The following PSPC1 variants were observed in gnomAD, a reference collection of about 807,000 sequenced individuals.
PSPC1 encodes the protein paraspeckle protein 1.
PSPC1 carries 14 observed loss-of-function variants against 51.6 expected under a neutral mutation model. That is an observed-to-expected ratio of 0.27 (90% CI 0.18 to 0.42). The LOEUF (loss-of-function observed/expected upper bound fraction) is 0.42, where lower values mean the gene tolerates loss of function less well. Among genes scored for constraint, PSPC1 ranks in the 10% least tolerant of loss-of-function variants. The probability of loss-of-function intolerance (pLI) is 1.00; values close to 1 mark genes in which losing one functional copy is unlikely to be tolerated. For synonymous variants in PSPC1, 193 were observed against 231.9 expected (o/e 0.83, Z 1.53); for missense variants, 406 against 701.1 (o/e 0.58, Z 4.75).
intron 6 of PSPC1, among the ~76,000 whole-genome samples, chr13:19,694,002 A>T (rs1368203137): frequency 6.6e-6 from 1 of 151,596 alleles, no homozygotes; most frequent in African/African-American, 2.4e-5. Flanking sequence ...GGGCGCCTGT[A>T]GTCCCAGCTA....
intron 6 of PSPC1, among the ~76,000 whole-genome samples, chr13:19,722,328 C>T (rs774739630): frequency 6.6e-6 from 1 of 151,802 alleles, no homozygotes; most frequent in African/African-American, 2.4e-5. Context: ...GAGACTCCAA[C>T]TCTACAAAAA....
At chr13:19,683,886 C>A (rs1489469846) in intron 6 of PSPC1, among the ~76,000 whole-genome samples, 1 of 151,972 alleles carries the variant, frequency 6.6e-6, no homozygotes, top group Non-Finnish European at 1.5e-5. Flanking sequence ...TGTAAGTTAT[C>A]AAAGAAATGT....
chr13:19,704,051 A>T (rs1880304809), intron 8 of PSPC1, among the ~76,000 whole-genome samples: 1 of 152,282 alleles, frequency 6.6e-6, no homozygotes, highest in Non-Finnish European at 1.5e-5. Context: ...CCTGAAGTGT[A>T]GCAGTAAAAT....
chr13:19,692,721 C>G (rs1203803407), intron 6 of PSPC1, among the ~76,000 whole-genome samples: 1 of 152,112 alleles, frequency 6.6e-6, no homozygotes, highest in Non-Finnish European at 1.5e-5. Context: ...TCATAGTATC[C>G]TCAACCCATC....
At chr13:19,701,633 G>T (rs1879914919), downstream of PSPC1, among the ~76,000 whole-genome samples, 1 of 152,118 alleles carries the variant, frequency 6.6e-6, no homozygotes, top group Non-Finnish European at 1.5e-5. Context: ...TAGTATAAAA[G>T]AATGCATCAA....
chr13:19,715,757 T>C (rs1234742754), intron 6 of PSPC1, among the ~76,000 whole-genome samples: 1 of 152,030 alleles, frequency 6.6e-6, no homozygotes, highest in African/African-American at 2.4e-5. Context: ...GACAGACACA[T>C]AATCCCAGCA....
intron 6 of PSPC1, among the ~76,000 whole-genome samples, chr13:19,728,483 C>A (rs1449002074): frequency 3.2e-5 from 4 of 124,036 alleles, no homozygotes; most frequent in African/African-American, 1.1e-4. Context: ...CACACACACA[C>A]ACAGCATTAA....
intron 5 of PSPC1, among the ~76,000 whole-genome samples, chr13:19,732,562 A>C (rs1485435437): frequency 1.3e-5 from 2 of 152,240 alleles, no homozygotes; most frequent in South Asian, 4.1e-4. Context: ...AAGGTTTCAC[A>C]TAACAGGAGT....
intron 1 of PSPC1, among the ~76,000 whole-genome samples, chr13:19,778,215 G>C (rs1383401469): frequency 6.6e-6 from 1 of 151,330 alleles, no homozygotes; most frequent in South Asian, 2.1e-4. Flanking sequence ...GCACTCCAAC[G>C]TGGTGACAGA....
intron 6 of PSPC1, among the ~76,000 whole-genome samples, chr13:19,721,009 A>C (rs959340989): frequency 7.5e-5 from 10 of 132,828 alleles, no homozygotes; most frequent in African/African-American, 2.6e-4. Flanking sequence ...CCTACATCTC[A>C]CTAGTTGTTA....
intron 6 of PSPC1, among the ~76,000 whole-genome samples, chr13:19,690,347 G>A (rs1482705862): frequency 6.6e-6 from 1 of 152,196 alleles, no homozygotes; most frequent in Non-Finnish European, 1.5e-5. Flanking sequence ...ATGAGTTCTA[G>A]TTGCTACATT....
intron 6 of PSPC1, among the ~76,000 whole-genome samples, chr13:19,695,670 A>G (rs1879121908): frequency 6.6e-6 from 1 of 152,160 alleles, no homozygotes; most frequent in Non-Finnish European, 1.5e-5. Flanking sequence ...TCAGTAATGT[A>G]TAAGATGACA....
intron 3 of PSPC1, 59 bp from the exon 4 acceptor site, chr13:19,751,526 G>A (rs560271537): frequency 2.4e-6 from 3 of 1,251,444 alleles, no homozygotes; most frequent in East Asian, 5.5e-5. Flanking sequence ...AACAACAAAT[G>A]AGAACAACAA....
chr13:19,706,577 A>T (rs1190089500), intron 7 of PSPC1, among the ~76,000 whole-genome samples: 3 of 152,138 alleles, frequency 2.0e-5, no homozygotes, highest in African/African-American at 7.2e-5. Context: ...AAGTTTTTTC[A>T]TTAAAAAAAT....
At chr13:19,700,103 T>C (rs1245915870), downstream of PSPC1, among the ~76,000 whole-genome samples, 3 of 152,094 alleles carry the variant, frequency 2.0e-5, no homozygotes, top group East Asian at 1.9e-4. Context: ...ATATGTCCTT[T>C]TTCTCATTCA....
intron 6 of PSPC1, among the ~76,000 whole-genome samples, chr13:19,716,088 A>G (rs1285822385): frequency 6.6e-6 from 1 of 152,258 alleles, no homozygotes; most frequent in Non-Finnish European, 1.5e-5. Flanking sequence ...TAAGACATAT[A>G]TGAAACATAA....
At chr13:19,680,624 T>A (rs1877163754) in intron 6 of PSPC1, among the ~76,000 whole-genome samples, 1 of 151,994 alleles carries the variant, frequency 6.6e-6, no homozygotes, top group Non-Finnish European at 1.5e-5. Context: ...AAAAAACCAA[T>A]AATCAAATTA....
chr13:19,758,983 T>C (rs552804519), intron 3 of PSPC1, among the ~76,000 whole-genome samples: 108 of 151,420 alleles, frequency 7.1e-4, no homozygotes, highest in African/African-American at 2.5e-3. Context: ...GTTTTACCCA[T>C]ATAAAAAAAG....
At chr13:19,687,351 C>T (rs1039420912) in intron 6 of PSPC1, among the ~76,000 whole-genome samples, 2 of 152,174 alleles carry the variant, frequency 1.3e-5, no homozygotes, top group Non-Finnish European at 2.9e-5. Flanking sequence ...CTCAAACTCA[C>T]CAAGCCCTGC....
Sources: gnomAD v4.1 joint callset for allele counts (sites outside exome capture counted in the v4.1 genomes callset) on GRCh38, gnomAD v4.1.1 for gene constraint, MANE v1.5 for transcripts, NCBI Gene and HGNC (gene_info 2026-07-23, HGNC 2026-07-21) for gene names.